Variants in GALC observed in about 807,000 individuals in gnomAD.
GALC encodes the protein galactocerebrosidase.
GALC carries 77 observed loss-of-function variants against 91.8 expected under a neutral mutation model. The observed-to-expected ratio is 0.84, with a 90% CI of 0.70 to 1.01. The LOEUF is 1.01. GALC is among the 50% of genes least tolerant of loss of function. The pLI is 0.00. For missense variants in GALC, 882 were observed against 855.9 expected, an observed-to-expected ratio of 1.03 and a Z score of -0.38; for synonymous variants, 357 against 306.7, an observed-to-expected ratio of 1.16 and a Z score of -1.71.
At chr14:87,986,464 A>C (rs772898498) in intron 4 of GALC, 25 bp downstream of exon 4, 3 of 1,376,190 alleles carry the variant, frequency 2.2e-6, no homozygotes, top group Non-Finnish European at 3.1e-6. Context: ...GAGACTGAAG[A>C]AACATTGCAA....
At chr14:87,957,228 T>A (rs1447818714) in intron 10 of GALC, among the ~76,000 whole-genome samples, 2 of 152,286 alleles carry the variant, frequency 1.3e-5, no homozygotes, top group South Asian at 4.1e-4. Context: ...ACTCCAATGA[T>A]TCTTTGCTTT....
At chr14:87,989,504 G>C (rs1340761361) in intron 1 of GALC, 1 of 152,196 alleles carries the variant, frequency 6.6e-6, no homozygotes, top group African/African-American at 2.4e-5. Context: ...ACTTTTGCAT[G>C]TATCTGCTCC....
At chr14:87,993,216 A>G, upstream of GALC, 3 of 1,549,476 alleles carry the variant, frequency 1.9e-6, no homozygotes, top group Non-Finnish European at 2.6e-6. Flanking sequence ...CGTCGCCGCC[A>G]CGATAGATAC....
intron 16 of GALC, among the ~76,000 whole-genome samples, chr14:87,939,007 A>C (rs949924974): frequency 6.6e-6 from 1 of 151,930 alleles, no homozygotes; most frequent in East Asian, 1.9e-4. Flanking sequence ...AGAAAATACA[A>C]ATAGCCAGTA....
chr14:87,969,350 C>G (rs1886186621), intron 7 of GALC, among the ~76,000 whole-genome samples: 1 of 151,942 alleles, frequency 6.6e-6, no homozygotes. Flanking sequence ...AGAAACTGCC[C>G]CAGAAAATGA....
In GALC at chr14:87,954,335, A is replaced by T. The variant is rs896349671; in HGVS notation, c.1162-3587T>A. ...TGACAGAGGCAGTATACAGTTATAGAGGACAGAAGCAGAAAAAGTTATGTT... is the reference window on the plus strand; with the variant it reads ...TGACAGAGGCAGTATACAGTTATAGTGGACAGAAGCAGAAAAAGTTATGTT... On this transcript the variant is annotated intron_variant, in intron 10 of 16. Coordinates refer to ENST00000261304, the MANE Select transcript of GALC (RefSeq NM_000153.4). 1.9e-6 allele frequency: 3 copies of T among 1,600,456 alleles called. No homozygotes were observed. The African/African-American group carries it at 4.0e-5, about 21-fold the overall frequency.
intron 7 of GALC, among the ~76,000 whole-genome samples, chr14:87,972,700 T>C (rs1327201062): frequency 6.6e-6 from 1 of 152,044 alleles, no homozygotes; most frequent in Non-Finnish European, 1.5e-5. Flanking sequence ...GAACAGACAC[T>C]GTGGAAAACA....
In GALC at chr14:87,968,443, C is replaced by G. The variant is rs755300485; in HGVS notation, c.800G>C (p.Gly267Ala). ...THSAKDAKLT[G>A]KKLWSSEDFS... Reference sequence around the variant, plus strand: ...GTCTTCAGAAGACCAAAGCTTCTTCCCAGTCAACTTTGCATCTTTTGCTGA... The same window carrying G: ...GTCTTCAGAAGACCAAAGCTTCTTCGCAGTCAACTTTGCATCTTTTGCTGA... The change falls in exon 8 of 17, where the codon GGG (glycine) becomes GCG (alanine). Residue 267 changes from glycine (G) to alanine (A), a missense_variant. Transcript: ENST00000261304. 6.2e-7 allele frequency: 1 copy of G among 1,613,666 alleles called. No individual in the cohort carries two copies. Among genetic ancestry groups the G allele is most frequent in the Non-Finnish European group, 8.5e-7 (1 of 1,179,818 alleles).
intron 1 of GALC, among the ~76,000 whole-genome samples, chr14:87,991,878 T>C (rs182254642): frequency 2.5e-3 from 385 of 152,214 alleles, no homozygotes; most frequent in Middle Eastern, 6.8e-3. Context: ...AGTAAAGCTA[T>C]AAAAAAGATG....
chr14:87,991,355 A>T (rs1208305170), intron 1 of GALC, among the ~76,000 whole-genome samples: 1 of 152,160 alleles, frequency 6.6e-6, no homozygotes, highest in Non-Finnish European at 1.5e-5. Context: ...GGCGCGTGCT[A>T]CCAAGACTGG....
At chr14:87,991,887 TG>T (rs1887215964) in intron 1 of GALC, among the ~76,000 whole-genome samples, 1 of 152,182 alleles carries the variant, frequency 6.6e-6, no homozygotes, top group Non-Finnish European at 1.5e-5. Flanking sequence ...ATAAAAAAGA[TG>T]GGGCCTCACT....
At chr14:87,985,994 G>C (rs73312821) in intron 4 of GALC, among the ~76,000 whole-genome samples, 19,518 of 152,124 alleles carry the variant, frequency 0.13, 1,475 homozygotes, top group South Asian at 0.25. Context: ...AAACACTTTT[G>C]TATGTACCTT....
chr14:87,988,293 G>T, intron 2 of GALC, 86 bp from the exon 3 acceptor site: 1 of 1,381,114 alleles, frequency 7.2e-7, no homozygotes, highest in Non-Finnish European at 1.0e-6. Flanking sequence ...AGGTTTTACA[G>T]ACGCAAAAAC....
At chr14:87,992,100 C>G (rs1887224398) in intron 1 of GALC, among the ~76,000 whole-genome samples, 1 of 152,132 alleles carries the variant, frequency 6.6e-6, no homozygotes, top group Admixed American at 6.5e-5. Flanking sequence ...AAAATTTCCC[C>G]TAGCAGAAGG....
chr14:87,963,923 T>C (rs946991856), intron 9 of GALC, among the ~76,000 whole-genome samples: 1 of 152,142 alleles, frequency 6.6e-6, no homozygotes, highest in African/African-American at 2.4e-5. Context: ...CCACCACATG[T>C]ACATTTATTG....
In GALC at chr14:87,988,451, T is replaced by C; in HGVS notation, c.264+4A>G. 6.4e-7 allele frequency: 1 copy of C among 1,570,430 alleles called. No homozygotes were observed. Among genetic ancestry groups the C allele is most frequent in the Non-Finnish European group, 8.8e-7 (1 of 1,140,544 alleles). ...GTACCATGAAATAATTATGTTTTCA[T>C]TACCTTAAAGAGATAATCCAATATC... On this transcript the variant is annotated splice_donor_region_variant and intron_variant, in intron 2 of 16. Transcript: ENST00000261304.
At chr14:87,962,309 G>C (rs1490809537) in intron 10 of GALC, among the ~76,000 whole-genome samples, 1 of 151,970 alleles carries the variant, frequency 6.6e-6, no homozygotes, top group African/African-American at 2.4e-5. Context: ...TTTTGACTAC[G>C]ATGAAGTGTA....
intron 1 of GALC, chr14:87,992,632 G>C (rs1230569938): frequency 1.4e-6 from 2 of 1,448,604 alleles, no homozygotes; most frequent in African/African-American, 1.4e-5. Flanking sequence ...TCTCCGCGAT[G>C]AAGACAGCCT....
At position 87,984,655 on chromosome 14, in the gene GALC, TAAAGG is replaced by T. The variant is rs140138159; in HGVS notation, c.443-127_443-123del. The T allele has an allele frequency of 1.4e-3, 1,262 of 918,220 alleles. 12 individuals are homozygous for T. The African/African-American group carries it at 0.017, about 12-fold the overall frequency. 56.9% of individuals were successfully genotyped at this position (918,220 alleles called of 1,614,324 possible). On this transcript the variant is annotated intron_variant, in intron 4 of 16. Transcript: ENST00000261304. Reference sequence around the variant, plus strand: ...AGCAAAAAACCAATACAGATCTGACTAAAGGAAAGTTTATATACCATATAAAAATT... The same window carrying T: ...AGCAAAAAACCAATACAGATCTGACTAAAGTTTATATACCATATAAAAATT...
Sources: gnomAD v4.1 joint callset for allele counts (sites outside exome capture counted in the v4.1 genomes callset) on GRCh38, gnomAD v4.1.1 for gene constraint, MANE v1.5 for transcripts, NCBI Gene and HGNC (gene_info 2026-07-23, HGNC 2026-07-21) for gene names.